The following FSTL5 variants were observed in gnomAD, a reference collection of about 807,000 sequenced individuals.
FSTL5 encodes follistatin-related protein 5.
A neutral mutation model predicts 89.1 loss-of-function variants in FSTL5; 62 were observed. The ratio of observed to expected loss-of-function variants is 0.70; its 90% confidence interval spans 0.57 to 0.86. The LOEUF (loss-of-function observed/expected upper bound fraction) is 0.86. FSTL5 is among the 40% of genes least tolerant of loss of function. The pLI, the probability that FSTL5 is intolerant of heterozygous loss-of-function variation, is 0.00. For missense variants in FSTL5, 1,057 were observed against 1,001.6 expected (o/e 1.06, Z -0.75); for synonymous variants, 383 against 346.2 (o/e 1.11, Z -1.18).
intron 3 of FSTL5, among the ~76,000 whole-genome samples, chr4:162,004,298 C>T (rs1199248773): frequency 1.3e-5 from 2 of 152,148 alleles, no homozygotes; most frequent in African/African-American, 4.8e-5. Context: ...TTCTTAACTA[C>T]TTTCTTTCAC....
At chr4:161,627,766 A>G (rs1735364790) in intron 7 of FSTL5, among the ~76,000 whole-genome samples, 1 of 152,174 alleles carries the variant, frequency 6.6e-6, no homozygotes, top group Non-Finnish European at 1.5e-5. Flanking sequence ...TTTCTGGAAT[A>G]TTAAAGTGAA....
chr4:161,872,946 C>A (rs1732322462), intron 4 of FSTL5, among the ~76,000 whole-genome samples: 1 of 152,080 alleles, frequency 6.6e-6, no homozygotes, highest in Non-Finnish European at 1.5e-5. Flanking sequence ...GAAAAAAGGA[C>A]TCTATTTTGA....
intron 4 of FSTL5, among the ~76,000 whole-genome samples, chr4:161,873,315 A>G (rs2126902361): frequency 6.6e-6 from 1 of 152,270 alleles, no homozygotes; most frequent in Non-Finnish European, 1.5e-5. Context: ...GAATAACAGT[A>G]GTAAATATTA....
chr4:162,035,116 C>T (rs1737683517), intron 2 of FSTL5: 1 of 152,076 alleles, frequency 6.6e-6, no homozygotes, highest in African/African-American at 2.4e-5. Context: ...CCCTCCCTCT[C>T]CTCTATTAAC....
At chr4:162,043,839 T>A (rs1049799580) in intron 2 of FSTL5, among the ~76,000 whole-genome samples, 3 of 152,208 alleles carry the variant, frequency 2.0e-5, no homozygotes, top group Admixed American at 6.6e-5. Flanking sequence ...TGCTCATTCA[T>A]AAGAAGCAAC....
chr4:161,550,260 T>G (rs1214130559), intron 8 of FSTL5, among the ~76,000 whole-genome samples: 1 of 151,908 alleles, frequency 6.6e-6, no homozygotes, highest in East Asian at 2.0e-4. Flanking sequence ...CATTTCTCAT[T>G]CAAAAGTATT....
At chr4:161,564,898 T>TA (rs1203408146) in intron 8 of FSTL5, among the ~76,000 whole-genome samples, 1 of 151,866 alleles carries the variant, frequency 6.6e-6, no homozygotes, top group Non-Finnish European at 1.5e-5. Context: ...TTCAATAGCA[T>TA]AAATTATCTA....
chr4:161,758,324 C>T (rs1324804572), intron 6 of FSTL5, among the ~76,000 whole-genome samples: 1 of 151,860 alleles, frequency 6.6e-6, no homozygotes, highest in Admixed American at 6.6e-5. Flanking sequence ...TACTTCCTAT[C>T]TTTTCTGAAA....
intron 13 of FSTL5, 95 bp from the exon 14 acceptor site, chr4:161,459,414 T>C (rs1414228254): frequency 7.3e-6 from 5 of 686,218 alleles, no homozygotes; most frequent in Non-Finnish European, 1.2e-5. Flanking sequence ...AGATGTCAGA[T>C]TAAAAATTTA....
At chr4:161,479,872 A>G (rs1729436264) in intron 13 of FSTL5, among the ~76,000 whole-genome samples, 1 of 152,186 alleles carries the variant, frequency 6.6e-6, no homozygotes, top group South Asian at 2.1e-4. Context: ...TATTTGTGAA[A>G]TAAGAAACAC....
intron 10 of FSTL5, among the ~76,000 whole-genome samples, chr4:161,532,428 T>A (rs2126532011): frequency 6.6e-6 from 1 of 152,292 alleles, no homozygotes; most frequent in Non-Finnish European, 1.5e-5. Context: ...TTTTGCAAAA[T>A]TTATACTCTT....
At chr4:161,497,547 A>G (rs1730124981) in intron 12 of FSTL5, among the ~76,000 whole-genome samples, 1 of 152,088 alleles carries the variant, frequency 6.6e-6, no homozygotes, top group African/African-American at 2.4e-5. Flanking sequence ...TTTCTTAAAA[A>G]TGCAACAGGC....
intron 15 of FSTL5, among the ~76,000 whole-genome samples, chr4:161,423,602 G>A (rs954140113): frequency 3.3e-5 from 5 of 151,056 alleles, no homozygotes; most frequent in Admixed American, 2.6e-4. Flanking sequence ...ATTTGTTTAG[G>A]CCTACTATAT....
intron 2 of FSTL5, among the ~76,000 whole-genome samples, chr4:162,087,152 CT>C (rs1409803657): frequency 6.6e-6 from 1 of 152,088 alleles, no homozygotes; most frequent in African/African-American, 2.4e-5. Flanking sequence ...TACCTTATCT[CT>C]GCCAAAAGGA....
At chr4:161,424,288 G>C (rs955854303) in intron 15 of FSTL5, among the ~76,000 whole-genome samples, 4 of 151,404 alleles carry the variant, frequency 2.6e-5, no homozygotes, top group African/African-American at 9.7e-5. Flanking sequence ...TCTTGAAGTG[G>C]TTTTAATATA....
At chr4:162,040,575 A>G (rs926282506) in intron 2 of FSTL5, among the ~76,000 whole-genome samples, 1 of 152,138 alleles carries the variant, frequency 6.6e-6, no homozygotes, top group African/African-American at 2.4e-5. Flanking sequence ...AATGCCTGAA[A>G]AATAGAGATA....
intron 4 of FSTL5, among the ~76,000 whole-genome samples, chr4:161,898,295 T>A (rs1208253299): frequency 6.6e-6 from 1 of 151,658 alleles, no homozygotes; most frequent in Non-Finnish European, 1.5e-5. Context: ...CATTCACCTA[T>A]GGAAAAAATC....
chr4:161,722,782 C>A (rs1361925998), intron 6 of FSTL5, among the ~76,000 whole-genome samples: 2 of 152,056 alleles, frequency 1.3e-5, no homozygotes, highest in African/African-American at 4.8e-5. Flanking sequence ...TGATTGATTA[C>A]CTTTTAAAAC....
chr4:161,854,029 A>G (rs1731642059), intron 4 of FSTL5, among the ~76,000 whole-genome samples: 1 of 152,198 alleles, frequency 6.6e-6, no homozygotes, highest in Non-Finnish European at 1.5e-5. Flanking sequence ...AGCTATCATA[A>G]CAGCATCTAT....
Sources: gnomAD v4.1 joint callset for allele counts (sites outside exome capture counted in the v4.1 genomes callset) on GRCh38, gnomAD v4.1.1 for gene constraint, MANE v1.5 for transcripts, NCBI Gene and HGNC (gene_info 2026-07-23, HGNC 2026-07-21) for gene names.